Variants in NEGR1 observed in about 807,000 individuals in gnomAD.
NEGR1 encodes the protein IgLON family member 4.
In NEGR1, 10 loss-of-function variants were observed where a neutral mutation model predicts 40.9. The observed-to-expected ratio is 0.24, with a 90% CI of 0.15 to 0.42. The LOEUF is 0.42. NEGR1 is among the 10% of genes least tolerant of loss of function. The pLI is 1.00. For synonymous variants in NEGR1, 185 were observed against 166.8 expected (o/e 1.11, Z -0.84); for missense variants, 352 against 438.9 (o/e 0.80, Z 1.77).
At chr1:72,000,705 A>G (rs1646549476) in intron 1 of NEGR1, among the ~76,000 whole-genome samples, 1 of 152,208 alleles carries the variant, frequency 6.6e-6, no homozygotes, top group Admixed American at 6.5e-5. Flanking sequence ...TGTTTCTAAC[A>G]GTGAACCAAT....
At chr1:71,442,313 T>A (rs1646553551) in intron 6 of NEGR1, among the ~76,000 whole-genome samples, 1 of 149,526 alleles carries the variant, frequency 6.7e-6, no homozygotes, top group African/African-American at 2.5e-5. Context: ...TTTTCCATCG[T>A]TAAATAATTG....
At chr1:72,179,911 C>A (rs1292055936) in intron 1 of NEGR1, among the ~76,000 whole-genome samples, 5 of 151,958 alleles carry the variant, frequency 3.3e-5, no homozygotes, top group Non-Finnish European at 5.9e-5. Context: ...AAAGATATCC[C>A]TTGCCAATGT....
intron 1 of NEGR1, among the ~76,000 whole-genome samples, chr1:72,131,229 G>A (rs1165993424): frequency 1.3e-5 from 2 of 151,990 alleles, no homozygotes; most frequent in Non-Finnish European, 2.9e-5. Context: ...TAATATATCT[G>A]AAAATACATA....
intron 4 of NEGR1, among the ~76,000 whole-genome samples, chr1:71,682,042 G>C (rs1254535634): frequency 1.3e-5 from 2 of 151,696 alleles, no homozygotes; most frequent in Non-Finnish European, 2.9e-5. Flanking sequence ...GGCCAGGCTG[G>C]TCTCAGACTC....
At chr1:72,271,938 T>C (rs1271460887) in intron 1 of NEGR1, among the ~76,000 whole-genome samples, 1 of 151,844 alleles carries the variant, frequency 6.6e-6, no homozygotes, top group Non-Finnish European at 1.5e-5. Context: ...GCTTTTTGCC[T>C]CCTGCCATGA....
At position 71,405,844 on chromosome 1, in the gene NEGR1, G is replaced by T. The variant is rs1317170543; in HGVS notation, c.*1602C>A. On this transcript the variant is annotated 3_prime_UTR_variant, in exon 7 of 7. Transcript: ENST00000357731. Reference sequence around the variant, plus strand: ...AAGGGGACTATTTGTAGAAATTTAGGTGTACTGAAATTGGTAACTTCATCA... The same window carrying T: ...AAGGGGACTATTTGTAGAAATTTAGTTGTACTGAAATTGGTAACTTCATCA... 2 of 151,906 alleles carry T rather than the reference G, an allele frequency of 1.3e-5. No homozygotes were observed. The highest frequency in any genetic ancestry group is 3.0e-5 in the Non-Finnish European group (2 of 67,756). 9.4% of individuals were successfully genotyped at this position (151,906 alleles called of 1,614,324 possible).
At chr1:71,905,027 C>G (rs570861794) in intron 2 of NEGR1, among the ~76,000 whole-genome samples, 19 of 152,012 alleles carry the variant, frequency 1.2e-4, no homozygotes, top group South Asian at 2.1e-4. Flanking sequence ...TAGAATGTTC[C>G]TCCAAAAAAT....
At chr1:72,066,377 A>G (rs2100502519) in intron 1 of NEGR1, among the ~76,000 whole-genome samples, 1 of 152,308 alleles carries the variant, frequency 6.6e-6, no homozygotes, top group African/African-American at 2.4e-5. Flanking sequence ...CTAAATATAC[A>G]GAATTAGTCT....
intron 1 of NEGR1, among the ~76,000 whole-genome samples, chr1:72,194,198 G>A (rs548402098): frequency 2.0e-5 from 3 of 151,790 alleles, no homozygotes; most frequent in Non-Finnish European, 4.4e-5. Flanking sequence ...CTCTGTGTAT[G>A]TGAAAACAGT....
intron 1 of NEGR1, among the ~76,000 whole-genome samples, chr1:72,097,880 A>G (rs1648770054): frequency 6.6e-6 from 1 of 152,198 alleles, no homozygotes; most frequent in African/African-American, 2.4e-5. Context: ...TTTGAAAATG[A>G]TCAAAGAAAT....
At chr1:71,652,670 A>C (rs1651756583) in intron 4 of NEGR1, among the ~76,000 whole-genome samples, 1 of 152,134 alleles carries the variant, frequency 6.6e-6, no homozygotes, top group Non-Finnish European at 1.5e-5. Flanking sequence ...GTTCGAGACC[A>C]GCCTGGACAA....
intron 6 of NEGR1, among the ~76,000 whole-genome samples, chr1:71,501,371 A>T (rs1381457158): frequency 1.3e-5 from 2 of 152,148 alleles, no homozygotes; most frequent in African/African-American, 2.4e-5. Flanking sequence ...AATATTTTTA[A>T]GATAATTTCT....
chr1:71,555,064 C>G (rs959429694), intron 6 of NEGR1, among the ~76,000 whole-genome samples: 2 of 151,538 alleles, frequency 1.3e-5, no homozygotes. Flanking sequence ...TCCTAAGGAG[C>G]AGCCACTTCG....
intron 2 of NEGR1, among the ~76,000 whole-genome samples, chr1:71,867,895 T>C (rs760318657): frequency 3.9e-5 from 6 of 152,178 alleles, no homozygotes; most frequent in East Asian, 1.9e-4. Context: ...TTTATTATTG[T>C]TAGTTTTGGA....
At chr1:71,560,429 T>TTATATATATATATATATA (rs58813234) in intron 6 of NEGR1, among the ~76,000 whole-genome samples, 1,397 of 113,852 alleles carry the variant, frequency 0.012, 69 homozygotes, top group East Asian at 0.018. Flanking sequence ...TAATTCTCCA[T>TTATATATATATATATATA]TATATATATA....
intron 4 of NEGR1, among the ~76,000 whole-genome samples, chr1:71,689,585 A>G (rs1024624302): frequency 6.6e-6 from 1 of 152,110 alleles, no homozygotes; most frequent in Non-Finnish European, 1.5e-5. Context: ...ATAGGTAAAT[A>G]TAGACTGAAT....
intron 2 of NEGR1, among the ~76,000 whole-genome samples, chr1:71,790,579 C>A (rs1245297783): frequency 2.0e-5 from 3 of 151,818 alleles, no homozygotes; most frequent in Non-Finnish European, 4.4e-5. Context: ...AATTTGTTCT[C>A]AGTTGATCTA....
chr1:72,233,580 A>T (rs1021444149), intron 1 of NEGR1, among the ~76,000 whole-genome samples: 1 of 152,134 alleles, frequency 6.6e-6, no homozygotes, highest in Non-Finnish European at 1.5e-5. Flanking sequence ...TTCATTTAGG[A>T]TAATGGCCTC....
chr1:71,643,864 A>C (rs1053684094), intron 4 of NEGR1, among the ~76,000 whole-genome samples: 2 of 151,952 alleles, frequency 1.3e-5, no homozygotes, highest in African/African-American at 4.8e-5. Context: ...TTTCCTATGG[A>C]TTTTGCAAAA....
Sources: gnomAD v4.1 joint callset for allele counts (sites outside exome capture counted in the v4.1 genomes callset) on GRCh38, gnomAD v4.1.1 for gene constraint, MANE v1.5 for transcripts, NCBI Gene and HGNC (gene_info 2026-07-23, HGNC 2026-07-21) for gene names.